The following NALF1 variants were observed in gnomAD, a reference collection of about 807,000 sequenced individuals.
The protein encoded by NALF1 is NALCN channel auxiliary factor 1.
A neutral mutation model predicts 48.4 loss-of-function variants in NALF1; 3 were observed. That is an observed-to-expected ratio of 0.06 (90% CI 0.03 to 0.16). The LOEUF is 0.16. Ranked by LOEUF, NALF1 falls within the 10% of genes least tolerant of loss-of-function variation. NALF1 has a pLI of 1.00. For missense variants in NALF1, 526 were observed against 571.5 expected (o/e 0.92, Z 0.81); for synonymous variants, 262 against 245.7 (o/e 1.07, Z -0.62).
chr13:107,229,944 T>C (rs567058744), intron 1 of NALF1, among the ~76,000 whole-genome samples: 3 of 152,296 alleles, frequency 2.0e-5, no homozygotes, highest in South Asian at 2.1e-4. Flanking sequence ...AGGGACACCA[T>C]TGCATTCTGC....
At chr13:107,818,134 C>T (rs761306693) in intron 1 of NALF1, among the ~76,000 whole-genome samples, 12 of 152,122 alleles carry the variant, frequency 7.9e-5, no homozygotes, top group Non-Finnish European at 1.2e-4. Context: ...ATCGGAGGGA[C>T]ATCAACAAGC....
intron 1 of NALF1, among the ~76,000 whole-genome samples, chr13:107,442,807 A>G (rs1300450340): frequency 2.0e-5 from 3 of 152,244 alleles, no homozygotes; most frequent in Non-Finnish European, 2.9e-5. Context: ...GTGACAAATC[A>G]AAAGAAAATG....
At chr13:107,544,776 A>C (rs1488160288) in intron 1 of NALF1, among the ~76,000 whole-genome samples, 1 of 152,198 alleles carries the variant, frequency 6.6e-6, no homozygotes, top group East Asian at 1.9e-4. Context: ...AGGAGAAAAA[A>C]AGTGGGGAGC....
At position 107,726,913 on chromosome 13, in the gene NALF1, T is replaced by G. The variant is rs200004704; in HGVS notation, c.915+138769A>C. 1.1e-3 allele frequency among the ~76,000 whole-genome samples: 135 copies of G among 126,468 alleles called. 1 individual carries two copies. In the East Asian group the frequency reaches 0.016, roughly 15 times the overall value. The allele number at this position is 126,468 out of a possible 152,430, so 83.0% of individuals were successfully genotyped here. A position where few individuals can be genotyped will look rare whatever the true frequency, so the allele number is the denominator to read the frequency against. Reference sequence around the variant, plus strand: ...GACACCACGCCCGGCCGGCAAATTCTTGTGTGTGTGTGTGTGTGTGTGTGT... The same window carrying G: ...GACACCACGCCCGGCCGGCAAATTCGTGTGTGTGTGTGTGTGTGTGTGTGT... On this transcript the variant is annotated intron_variant, in intron 1 of 2. Coordinates refer to ENST00000375915, the MANE Select transcript of NALF1 (RefSeq NM_001080396.3).
intron 1 of NALF1, among the ~76,000 whole-genome samples, chr13:107,291,203 C>G (rs1250735554): frequency 1.3e-5 from 2 of 151,798 alleles, no homozygotes; most frequent in African/African-American, 4.8e-5. Flanking sequence ...GAAGTTGATT[C>G]TTTTCCCATT....
intron 1 of NALF1, among the ~76,000 whole-genome samples, chr13:107,753,996 A>C (rs1877013298): frequency 6.6e-6 from 1 of 152,156 alleles, no homozygotes; most frequent in Non-Finnish European, 1.5e-5. Context: ...TACTGACAAA[A>C]CAGAGGTCAC....
intron 1 of NALF1, among the ~76,000 whole-genome samples, chr13:107,542,574 ACC>A (rs1291778818): frequency 1.3e-5 from 2 of 152,260 alleles, no homozygotes; most frequent in East Asian, 1.9e-4. Context: ...ACTTAAAAGA[ACC>A]AGACATCAAT....
At chr13:107,730,623 CAG>C (rs948109057) in intron 1 of NALF1, among the ~76,000 whole-genome samples, 1 of 152,092 alleles carries the variant, frequency 6.6e-6, no homozygotes, top group African/African-American at 2.4e-5. Flanking sequence ...TATGACAGCT[CAG>C]AAACAATTTT....
At chr13:107,823,980 A>G (rs202121969) in intron 1 of NALF1, among the ~76,000 whole-genome samples, 1 of 138,014 alleles carries the variant, frequency 7.2e-6, no homozygotes, top group African/African-American at 2.5e-5. Flanking sequence ...CATTGCTGTT[A>G]TTATTATTAT....
At chr13:107,621,275 GT>G (rs1249897863) in intron 1 of NALF1, among the ~76,000 whole-genome samples, 1 of 152,090 alleles carries the variant, frequency 6.6e-6, no homozygotes, top group Admixed American at 6.6e-5. Flanking sequence ...ATCTTTTTAA[GT>G]TAATTTTTTC....
intron 1 of NALF1, among the ~76,000 whole-genome samples, chr13:107,238,450 GC>G (rs1387716594): frequency 1.3e-5 from 2 of 152,144 alleles, no homozygotes; most frequent in African/African-American, 4.8e-5. Flanking sequence ...GCTCTGCCGG[GC>G]CCTCTGCTGA....
At chr13:107,485,188 A>G (rs1009668209) in intron 1 of NALF1, among the ~76,000 whole-genome samples, 1 of 152,104 alleles carries the variant, frequency 6.6e-6, no homozygotes. Context: ...GCTGCTGTGC[A>G]TGTCTGTGAT....
chr13:107,476,442 C>T (rs1316498280), intron 1 of NALF1, among the ~76,000 whole-genome samples: 2 of 151,990 alleles, frequency 1.3e-5, no homozygotes, highest in East Asian at 1.9e-4. Flanking sequence ...AGATTAAGAG[C>T]TATTTTGGCT....
chr13:107,466,154 C>T (rs1236902476), intron 1 of NALF1: 2 of 152,128 alleles, frequency 1.3e-5, no homozygotes, highest in Non-Finnish European at 2.9e-5. Flanking sequence ...TCATTCACTA[C>T]CACAAAAACA....
At chr13:107,799,799 A>T (rs928333741) in intron 1 of NALF1, among the ~76,000 whole-genome samples, 3 of 152,226 alleles carry the variant, frequency 2.0e-5, no homozygotes, top group African/African-American at 7.2e-5. Flanking sequence ...GATATTTTTC[A>T]GGTTCCCTTT....
At chr13:107,268,026 C>G (rs1199399512) in intron 1 of NALF1, among the ~76,000 whole-genome samples, 1 of 140,098 alleles carries the variant, frequency 7.1e-6, no homozygotes, top group Non-Finnish European at 1.5e-5. Context: ...CTTGCTCTGT[C>G]ACCAGGCTGG....
intron 1 of NALF1, among the ~76,000 whole-genome samples, chr13:107,533,949 A>C (rs201941265): frequency 6.6e-6 from 1 of 152,256 alleles, no homozygotes; most frequent in East Asian, 1.9e-4. Flanking sequence ...AAAAAGATCT[A>C]TTATGACTTG....
At chr13:107,486,239 C>T (rs867957424) in intron 1 of NALF1, among the ~76,000 whole-genome samples, 5 of 152,116 alleles carry the variant, frequency 3.3e-5, no homozygotes, top group East Asian at 1.9e-4. Context: ...CCTTACGGAT[C>T]GGAACAGAGC....
chr13:107,257,797 G>T (rs1211307202), intron 1 of NALF1, among the ~76,000 whole-genome samples: 2 of 152,134 alleles, frequency 1.3e-5, no homozygotes, highest in Non-Finnish European at 1.5e-5. Context: ...GTAGGGGATG[G>T]GGGGTGGTGA....
Sources: gnomAD v4.1 joint callset for allele counts (sites outside exome capture counted in the v4.1 genomes callset) on GRCh38, gnomAD v4.1.1 for gene constraint, MANE v1.5 for transcripts, NCBI Gene and HGNC (gene_info 2026-07-23, HGNC 2026-07-21) for gene names.